SZRD1: variants seen among roughly 807,000 people sequenced by gnomAD.
SZRD1 encodes SUZ RNA-binding domain-containing.
SZRD1 carries 7 observed loss-of-function variants against 17.6 expected under a neutral mutation model. That is an observed-to-expected ratio of 0.40 (90% CI 0.23 to 0.75). The LOEUF is 0.75. SZRD1 is among the 30% of genes least tolerant of loss of function. SZRD1 has a pLI of 0.38. For missense variants in SZRD1, 178 were observed against 201.8 expected (o/e 0.88, Z 0.71); for synonymous variants, 77 against 77.9 (o/e 0.99, Z 0.06).
Position 16,396,307 on chromosome 1 carries a change from C to T in SZRD1, c.*1167C>T, listed in dbSNP as rs1440310923. On this transcript the variant is annotated 3_prime_UTR_variant, in exon 4 of 4. Coordinates refer to ENST00000401088, the MANE Select transcript of SZRD1 (RefSeq NM_001114600.3). ...CCCAGCTCAGTAACTATACCTGGTA[C>T]ATTTCCTGTGTGCAATCAGTACCTT... The T allele has an allele frequency of 6.6e-6, 1 of 152,268 alleles. No homozygotes were observed. Among genetic ancestry groups the T allele is most frequent in the African/African-American group, 2.4e-5 (1 of 41,436 alleles). The allele number at this position is 152,268 out of a possible 1,614,324, so 9.4% of individuals were successfully genotyped here. A position where few individuals can be genotyped will look rare whatever the true frequency, so the allele number is the denominator to read the frequency against.
At chr1:16,380,378 C>T (rs897722247) in intron 1 of SZRD1, among the ~76,000 whole-genome samples, 2 of 151,966 alleles carry the variant, frequency 1.3e-5, no homozygotes, top group Non-Finnish European at 2.9e-5. Flanking sequence ...GATCTCAGCT[C>T]ACTGCTGAGA....
In SZRD1 at chr1:16,391,526, C is replaced by A; in HGVS notation, c.101+102C>A. Reference sequence around the variant, plus strand: ...GGCCATTAGGATTAGCAGGTCCTAGCAGGTCAGGCTCTGGGGCAGCAAACC... The same window carrying A: ...GGCCATTAGGATTAGCAGGTCCTAGAAGGTCAGGCTCTGGGGCAGCAAACC... On this transcript the variant is annotated intron_variant, in intron 2 of 3. Coordinates refer to ENST00000401088, the MANE Select transcript of SZRD1 (RefSeq NM_001114600.3). This position sits in a 1 kb window ranked among gnomAD's most constrained non-coding sequence, Gnocchi z 4.3. 9.9e-7 allele frequency: 1 copy of A among 1,011,936 alleles called. No homozygotes were observed. Among genetic ancestry groups the A allele is most frequent in the Non-Finnish European group, 1.5e-6 (1 of 673,040 alleles). The allele number at this position is 1,011,936 out of a possible 1,614,324, so 62.7% of individuals were successfully genotyped here.
At chr1:16,369,422 C>A in intron 1 of SZRD1, 1 of 1,070,644 alleles carries the variant, frequency 9.3e-7, no homozygotes, top group Non-Finnish European at 1.4e-6. Flanking sequence ...TCAAAATTGG[C>A]AGCATCCATG....
Position 16,395,522 on chromosome 1 carries a change from C to A in SZRD1, c.*382C>A. The A allele has an allele frequency of 4.7e-6, 1 of 211,106 alleles. No homozygotes were observed. Among genetic ancestry groups the A allele is most frequent in the South Asian group, 7.7e-5 (1 of 12,952 alleles). 13.1% of individuals were successfully genotyped at this position (211,106 alleles called of 1,614,324 possible). ...TGCTCATTAATTTGGGATTTCAAAACACAAATGAAAACTCACACCCACCCA... is the reference window on the plus strand; with the variant it reads ...TGCTCATTAATTTGGGATTTCAAAAAACAAATGAAAACTCACACCCACCCA... On this transcript the variant is annotated 3_prime_UTR_variant, in exon 4 of 4. Coordinates refer to ENST00000401088, the MANE Select transcript of SZRD1 (RefSeq NM_001114600.3).
chr1:16,373,776 A>AT (rs1305329536), intron 1 of SZRD1, among the ~76,000 whole-genome samples: 1 of 151,236 alleles, frequency 6.6e-6, no homozygotes, highest in Admixed American at 6.6e-5. Context: ...ACTATTTTTG[A>AT]TTTTTTTGTA....
chr1:16,369,583 T>C (rs753450410), intron 1 of SZRD1: 5 of 647,932 alleles, frequency 7.7e-6, no homozygotes, highest in Non-Finnish European at 1.4e-5. Context: ...CTTACTTTAG[T>C]AATATCCTTT....
rs758475468 is a variant in SZRD1 at position 16,391,921 on chromosome 1, G to C, written c.101+497G>C. Among the ~76,000 whole-genome samples, 5 of 152,102 alleles carry C rather than the reference G, an allele frequency of 3.3e-5. No individual in the cohort carries two copies. Among genetic ancestry groups the C allele is most frequent in the Non-Finnish European group, 7.4e-5 (5 of 67,998 alleles). ...AAATAGCTTTGTTTTCCACCTAGACGACAGAGGAGGGTGTTTCCAGAGTAG... is the reference window on the plus strand; with the variant it reads ...AAATAGCTTTGTTTTCCACCTAGACCACAGAGGAGGGTGTTTCCAGAGTAG... On this transcript the variant is annotated intron_variant, in intron 2 of 3. Coordinates refer to ENST00000401088, the MANE Select transcript of SZRD1 (RefSeq NM_001114600.3). The surrounding 1 kb of genome is among the most constrained non-coding windows in gnomAD (Gnocchi z 4.3).
Position 16,369,503 on chromosome 1 carries a change from TCAC to T in SZRD1, c.51+2199_51+2201del, listed in dbSNP as rs59924959. The T allele has an allele frequency of 7.3e-3, 6,586 of 903,948 alleles. 280 individuals carry two copies. The African/African-American group carries it at 0.091, about 12-fold the overall frequency. The allele number at this position is 903,948 out of a possible 1,614,324, so 56.0% of individuals were successfully genotyped here. ...ACCTGCTTCTTTTTTTTGCCCCCCT[TCAC>T]CACAGGCTTTTTCACAGAAGCCATG... On this transcript the variant is annotated intron_variant, in intron 1 of 3. Transcript: ENST00000401088.
chr1:16,382,746 C>T (rs976076033), intron 1 of SZRD1, among the ~76,000 whole-genome samples: 6 of 152,224 alleles, frequency 3.9e-5, no homozygotes, highest in South Asian at 2.1e-4. Flanking sequence ...CCGCCAGCCT[C>T]GGCACTCCCA....
intron 1 of SZRD1, among the ~76,000 whole-genome samples, chr1:16,384,511 GGGAATTCTGATTCCCAA>G (rs2083156152): frequency 6.6e-6 from 1 of 152,178 alleles, no homozygotes; most frequent in East Asian, 1.9e-4. Flanking sequence ...AAGTGAAATT[GGGAATTCTGATTCCCAA>G]GGAATCAGAA....
At chr1:16,367,547 C>T (rs1308972931) in intron 1 of SZRD1, among the ~76,000 whole-genome samples, 1 of 152,220 alleles carries the variant, frequency 6.6e-6, no homozygotes, top group South Asian at 2.1e-4. Context: ...GCGCGTCACC[C>T]GGGGCGCCCC....
intron 1 of SZRD1, among the ~76,000 whole-genome samples, chr1:16,382,319 C>T (rs2083118020): frequency 6.6e-6 from 1 of 151,200 alleles, no homozygotes; most frequent in Admixed American, 6.6e-5. Flanking sequence ...TCCTGAGTAG[C>T]TGGGACTACA....
At chr1:16,371,432 TCC>T (rs1423638960) in intron 1 of SZRD1, among the ~76,000 whole-genome samples, 7 of 120,532 alleles carry the variant, frequency 5.8e-5, no homozygotes, top group Non-Finnish European at 1.2e-4. Context: ...CTCCCCCCTC[TCC>T]CTTCCTTTTT....
In SZRD1 at chr1:16,396,842, C is replaced by T. The variant is rs1031011768; in HGVS notation, c.*1702C>T. The T allele has an allele frequency of 1.3e-5, 2 of 152,356 alleles. No individual in the cohort carries two copies. Among genetic ancestry groups the T allele is most frequent in the African/African-American group, 4.8e-5 (2 of 41,452 alleles). 9.4% of individuals were successfully genotyped at this position (152,356 alleles called of 1,614,324 possible). On this transcript the variant is annotated 3_prime_UTR_variant, in exon 4 of 4. Transcript: ENST00000401088. ...CTGCCAGCTGAGTCAGCAGCTAGTC[C>T]ATAGCACAGCCTTATAACTGTAAAG...
At chr1:16,394,478 CT>C (rs748715508) in intron 3 of SZRD1, among the ~76,000 whole-genome samples, 4 of 152,176 alleles carry the variant, frequency 2.6e-5, no homozygotes, top group Non-Finnish European at 4.4e-5. Flanking sequence ...AGCACTCCCC[CT>C]GCCTACAAGT....
Position 16,391,461 on chromosome 1 carries a change from T to G in SZRD1, c.101+37T>G. The G allele has an allele frequency of 6.6e-7, 1 of 1,521,994 alleles. No homozygotes were observed. Among genetic ancestry groups the G allele is most frequent in the Non-Finnish European group, 8.9e-7 (1 of 1,123,096 alleles). 94.3% of individuals were successfully genotyped at this position (1,521,994 alleles called of 1,614,324 possible). On this transcript the variant is annotated intron_variant, in intron 2 of 3. Transcript: ENST00000401088. The surrounding 1 kb of genome is among the most constrained non-coding windows in gnomAD (Gnocchi z 4.3). ...GTCTGGTCTGAGGGCTCATGCTCTC[T>G]GTGGTTTGAGAGCCGGGCAGTCAGT...
intron 1 of SZRD1, among the ~76,000 whole-genome samples, chr1:16,390,361 T>A (rs1268360440): frequency 6.6e-6 from 1 of 152,228 alleles, no homozygotes; most frequent in Non-Finnish European, 1.5e-5. Context: ...GAGCCCAATG[T>A]CCTGCTCAGG....
intron 1 of SZRD1, among the ~76,000 whole-genome samples, chr1:16,378,225 G>C (rs578049425): frequency 2.6e-5 from 4 of 151,852 alleles, no homozygotes; most frequent in Non-Finnish European, 4.4e-5. Context: ...TTCTAGCCTG[G>C]GATACATCTA....
intron 1 of SZRD1, among the ~76,000 whole-genome samples, chr1:16,376,687 C>T (rs187074156): frequency 1.8e-3 from 277 of 151,608 alleles, no homozygotes; most frequent in African/African-American, 5.5e-3. Flanking sequence ...GTGCCTGTAA[C>T]CCAAGCTACC....
Sources: allele counts gnomAD v4.1 joint callset (sites outside exome capture counted in the v4.1 genomes callset), GRCh38; gene constraint gnomAD v4.1.1; non-coding constraint Gnocchi (gnomAD v3.1); transcripts MANE v1.5; gene names NCBI Gene and HGNC (gene_info 2026-07-23, HGNC 2026-07-21).